ATP13A4: variants seen among roughly 807,000 people sequenced by gnomAD.
ATP13A4 encodes the protein ATPase 13A4, also known as probable cation-transporting ATPase 13A4.
In ATP13A4, 114 loss-of-function variants were observed where a neutral mutation model predicts 142.5. The ratio of observed to expected loss-of-function variants is 0.80; its 90% CI spans 0.69 to 0.93. The LOEUF (loss-of-function observed/expected upper bound fraction) is 0.93. Among genes scored for constraint, ATP13A4 ranks in the 40% least tolerant of loss-of-function variants. The pLI is 0.00. For missense variants in ATP13A4, 1,392 were observed against 1,454.0 expected (o/e 0.96, Z 0.69); for synonymous variants, 488 against 514.8 (o/e 0.95, Z 0.70).
chr3:193,428,405 T>C (rs1051405639), intron 25 of ATP13A4, among the ~76,000 whole-genome samples: 39 of 152,236 alleles, frequency 2.6e-4, no homozygotes, highest in African/African-American at 8.9e-4. Flanking sequence ...GATCCAGAAC[T>C]AGAAATACCA....
upstream of ATP13A4, among the ~76,000 whole-genome samples, chr3:193,557,962 C>T (rs73063954): frequency 1.6e-3 from 238 of 152,272 alleles, 1 homozygote; most frequent in African/African-American, 5.5e-3. Context: ...GCATGGGCTG[C>T]ATGAAGGAAG....
At chr3:193,483,306 G>T (rs1259356029) in intron 8 of ATP13A4, among the ~76,000 whole-genome samples, 1 of 152,030 alleles carries the variant, frequency 6.6e-6, no homozygotes, top group Non-Finnish European at 1.5e-5. Flanking sequence ...ACAGGAACAA[G>T]GCAACTTTTG....
chr3:193,590,042 T>C (rs1285175727), intron 1 of ATP13A4, among the ~76,000 whole-genome samples: 1 of 150,980 alleles, frequency 6.6e-6, no homozygotes, highest in African/African-American at 2.4e-5. Context: ...TCACTTTTCA[T>C]ATTGTAATCA....
intron 27 of ATP13A4, 124 bp downstream of exon 27, chr3:193,412,054 C>T: frequency 1.2e-6 from 1 of 861,162 alleles, no homozygotes; most frequent in South Asian, 1.4e-5. Context: ...TTGCAGAGTC[C>T]TAGAGTGGAA....
chr3:193,464,733 T>G (rs570857947), intron 12 of ATP13A4, among the ~76,000 whole-genome samples: 2 of 152,244 alleles, frequency 1.3e-5, no homozygotes, highest in Admixed American at 6.5e-5. Context: ...AAAAAGATTC[T>G]CCTATTTAGT....
chr3:193,482,252 G>A (rs1381993762), intron 8 of ATP13A4, among the ~76,000 whole-genome samples: 1 of 151,876 alleles, frequency 6.6e-6, no homozygotes, highest in Non-Finnish European at 1.5e-5. Context: ...TGCAAAAGAT[G>A]ACCCTCAATC....
At chr3:193,567,184 TA>T (rs1724153829) in intron 2 of ATP13A4, among the ~76,000 whole-genome samples, 1 of 152,116 alleles carries the variant, frequency 6.6e-6, no homozygotes, top group African/African-American at 2.4e-5. Flanking sequence ...AATTAAATAT[TA>T]AATGAAAAAC....
At chr3:193,518,181 A>C (rs1026629898) in intron 1 of ATP13A4, among the ~76,000 whole-genome samples, 3 of 152,320 alleles carry the variant, frequency 2.0e-5, no homozygotes, top group South Asian at 2.1e-4. Context: ...AGCAAAAAAA[A>C]CCATGTGTAA....
At chr3:193,489,541 G>C (rs542354496) in intron 7 of ATP13A4, among the ~76,000 whole-genome samples, 189 bp downstream of exon 7, 12 of 152,302 alleles carry the variant, frequency 7.9e-5, no homozygotes, top group African/African-American at 2.4e-4. Context: ...AAAGGTTAGG[G>C]ATTGGAATGG....
upstream of ATP13A4, among the ~76,000 whole-genome samples, chr3:193,555,858 C>T (rs1470686617): frequency 2.0e-5 from 3 of 152,218 alleles, no homozygotes; most frequent in African/African-American, 7.2e-5. Flanking sequence ...CTTGTCTGCA[C>T]TGGCCTTGCT....
At chr3:193,524,441 G>C (rs1347501618) in intron 1 of ATP13A4, among the ~76,000 whole-genome samples, 1 of 152,210 alleles carries the variant, frequency 6.6e-6, no homozygotes, top group African/African-American at 2.4e-5. Flanking sequence ...GTGTCAGGAA[G>C]AGAAAAACTC....
upstream of ATP13A4, among the ~76,000 whole-genome samples, chr3:193,559,420 T>A (rs1723968695): frequency 2.6e-5 from 4 of 152,178 alleles, no homozygotes; most frequent in Admixed American, 2.6e-4. Context: ...ACTTGAGACC[T>A]TTAGTTATAG....
chr3:193,576,247 ATCTTTTT>A (rs1724390540), intron 2 of ATP13A4, among the ~76,000 whole-genome samples: 2 of 107,340 alleles, frequency 1.9e-5, no homozygotes, highest in African/African-American at 3.3e-5. Flanking sequence ...GCTTGAATCA[ATCTTTTT>A]TTTTTTTTTT....
intron 2 of ATP13A4, among the ~76,000 whole-genome samples, chr3:193,569,166 T>C (rs936313377): frequency 2.6e-5 from 4 of 152,232 alleles, no homozygotes; most frequent in Non-Finnish European, 4.4e-5. Context: ...GTGTTATCCT[T>C]AATATAATGT....
chr3:193,560,094 C>T (rs181832949), intron 2 of ATP13A4, among the ~76,000 whole-genome samples: 4 of 152,190 alleles, frequency 2.6e-5, no homozygotes, highest in South Asian at 4.2e-4. Context: ...ATTGTTTCTT[C>T]GGTGAGAAAA....
At chr3:193,456,903 G>T in intron 16 of ATP13A4, 97 bp downstream of exon 16, 1 of 1,424,100 alleles carries the variant, frequency 7.0e-7, no homozygotes, top group Non-Finnish European at 9.6e-7. Flanking sequence ...AATTGGTGAT[G>T]ACCCATAGGC....
chr3:193,442,548 G>A lies in ATP13A4; in HGVS notation c.2161C>T (p.Leu721Phe). The change falls in exon 19 of 30, where the codon CTT becomes TTT. Residue 721 changes from leucine (L) to phenylalanine (F), a missense_variant. By Grantham distance (22) the Leu-to-Phe change is conservative. Coordinates refer to ENST00000342695, the MANE Select transcript of ATP13A4 (RefSeq NM_032279.4). ...IRTVMITGDN[L>F]QTAITVARKS... ...CTGGCCACTGTTATTGCAGTCTGAA[G>A]ATTGTCACCTAGAGGAAAGGAGGAG... is the stretch of plus-strand genomic sequence containing the variant. 1 of 1,613,592 alleles carries A rather than the reference G, an allele frequency of 6.2e-7. No homozygotes were observed. Among genetic ancestry groups the A allele is most frequent in the Non-Finnish European group, 8.5e-7 (1 of 1,179,596 alleles).
Position 193,417,850 on chromosome 3 carries a change from C to T in ATP13A4, c.2843-3100G>A, listed in dbSNP as rs557956939. ...AATACAAAAAATTAGCGGCCGGGCGCGGTGGCTCACGCCTGTAATCCCAGC... is the reference window on the plus strand; with the variant it reads ...AATACAAAAAATTAGCGGCCGGGCGTGGTGGCTCACGCCTGTAATCCCAGC... On this transcript the variant is annotated intron_variant, in intron 25 of 29. Transcript: ENST00000342695. Among the ~76,000 whole-genome samples the T allele has an allele frequency of 1.5e-3, 228 of 147,798 alleles. 14 individuals are homozygous for T. Among genetic ancestry groups the T allele is most frequent in the African/African-American group, 4.7e-3 (188 of 39,706 alleles).
At chr3:193,479,304 A>C (rs1719153604) in intron 8 of ATP13A4, among the ~76,000 whole-genome samples, 1 of 152,164 alleles carries the variant, frequency 6.6e-6, no homozygotes, top group Admixed American at 6.5e-5. Flanking sequence ...AGGGCATCCA[A>C]ATCAGTAAAG....
Sources: gnomAD v4.1 joint callset for allele counts (sites outside exome capture counted in the v4.1 genomes callset) on GRCh38, gnomAD v4.1.1 for gene constraint, MANE v1.5 for transcripts, NCBI Gene and HGNC (gene_info 2026-07-23, HGNC 2026-07-21) for gene names.